Variants in IFT88 observed in about 807,000 individuals in gnomAD.
IFT88 encodes the protein intraflagellar transport protein 88 homolog.
Under a neutral mutation model 119.5 loss-of-function variants are expected in IFT88, and 74 were observed. The observed-to-expected ratio is 0.62, with a 90% CI of 0.51 to 0.75. The LOEUF is 0.75. IFT88 is among the 30% of genes least tolerant of loss of function. The pLI, the probability that IFT88 is intolerant of heterozygous loss-of-function variation, is 0.00. For synonymous variants in IFT88, 279 were observed against 316.7 expected (o/e 0.88, Z 1.26); for missense variants, 961 against 977.7 (o/e 0.98, Z 0.23).
chr13:20,599,472 GA>G lies in IFT88; in HGVS notation c.722del (p.Asn241IlefsTer4). 7.2e-7 allele frequency: 1 copy of G among 1,394,404 alleles called. No individual in the cohort carries two copies. Among genetic ancestry groups the G allele is most frequent in the Non-Finnish European group, 1.0e-6 (1 of 999,118 alleles). 86.4% of individuals were successfully genotyped at this position (1,394,404 alleles called of 1,614,324 possible). On this transcript the variant is annotated frameshift_variant, in exon 11 of 26. Coordinates refer to ENST00000351808, the MANE Select transcript of IFT88 (RefSeq NM_006531.5). LOFTEE classifies it high-confidence loss of function. ...SNAGILKMNMGNIYLKQRNYS... is the reference protein window; with the variant it reads ...SNAGILKMNMXNIYLKQRNYS... The stretch of plus-strand genomic sequence containing the variant: ...TTAGGAATATTGAAAATGAATATGG[GA>G]AATATCTATTTAAAGCAAAGAAATT...
In IFT88 at chr13:20,589,657, G is replaced by GCTC. The variant is rs568912778; in HGVS notation, c.154-152_154-150dup. 4.1e-4 allele frequency among the ~76,000 whole-genome samples: 63 copies of GCTC among 151,920 alleles called. No individual in the cohort carries two copies. In the South Asian group the frequency reaches 0.013, roughly 31 times the overall value. ...CTTCTCACATAATTAAAATACCTGA[G>GCTC]CTCCCTAATATTTAAGATAATTTAA... On this transcript the variant is annotated intron_variant, in intron 3 of 25. Transcript: ENST00000351808.
chr13:20,580,260 A>G (rs771950496), intron 2 of IFT88, among the ~76,000 whole-genome samples: 12 of 152,170 alleles, frequency 7.9e-5, no homozygotes, highest in Admixed American at 3.9e-4. Context: ...ACTCACACCT[A>G]TAATCCCAGC....
chr13:20,608,895 C>A (rs1238024235), intron 13 of IFT88, among the ~76,000 whole-genome samples: 2 of 152,200 alleles, frequency 1.3e-5, no homozygotes. Context: ...CTCTCTCTCT[C>A]CTCTGCCTCC....
rs373836500 is a variant in IFT88 at position 20,633,501 on chromosome 13, G to A, written c.1386+2399G>A. 2.6e-5 allele frequency among the ~76,000 whole-genome samples: 4 copies of A among 152,164 alleles called. No individual in the cohort carries two copies. The East Asian group carries it at 5.8e-4, about 22-fold the overall frequency. On this transcript the variant is annotated intron_variant, in intron 16 of 25. Transcript: ENST00000351808. The stretch of plus-strand genomic sequence containing the variant: ...CAGTAGCACCTCCAGCACCTCTGAC[G>A]GGCAAGTCCATGGCGTGAAGCATGG...
At position 20,568,055 on chromosome 13, in the gene IFT88, G is replaced by C; in HGVS notation, c.-7+799G>C. ...AAGAATCTCATAATGCTTCCAGAAA[G>C]TTTACGAATTTGTGTTGGGCCACAT... is the stretch of plus-strand genomic sequence containing the variant. On this transcript the variant is annotated intron_variant, in intron 1 of 25. Coordinates refer to ENST00000351808, the MANE Select transcript of IFT88 (RefSeq NM_006531.5). 8.5e-6 allele frequency: 6 copies of C among 709,864 alleles called. No individual in the cohort carries two copies. In the South Asian group the frequency reaches 8.9e-5, roughly 11 times the overall value. 44.0% of individuals were successfully genotyped at this position (709,864 alleles called of 1,614,324 possible).
intron 15 of IFT88, among the ~76,000 whole-genome samples, chr13:20,627,549 G>A (rs561447361): frequency 6.6e-6 from 1 of 151,644 alleles, no homozygotes; most frequent in African/African-American, 2.4e-5. Context: ...TAACCAATAT[G>A]GTGAAACCCT....
intron 20 of IFT88, among the ~76,000 whole-genome samples, chr13:20,645,236 C>T (rs1009331590): frequency 7.9e-5 from 12 of 151,952 alleles, no homozygotes; most frequent in South Asian, 4.2e-4. Context: ...ATTACAGTCA[C>T]GCACCACCAT....
Position 20,599,469 on chromosome 13 carries a change from TG to T in IFT88, c.719del (p.Gly240GlufsTer5). 1 of 1,357,706 alleles carries T rather than the reference TG, an allele frequency of 7.4e-7. No individual in the cohort carries two copies. The highest frequency in any genetic ancestry group is 1.0e-6 in the Non-Finnish European group (1 of 967,318). The allele number at this position is 1,357,706 out of a possible 1,614,324, so 84.1% of individuals were successfully genotyped here. A position where few individuals can be genotyped will look rare whatever the true frequency, so the allele number is the denominator to read the frequency against. On this transcript the variant is annotated frameshift_variant, in exon 11 of 26. Coordinates refer to ENST00000351808, the MANE Select transcript of IFT88 (RefSeq NM_006531.5). LOFTEE classifies it high-confidence loss of function. ...FSNAGILKMN[M>X]GNIYLKQRNY... The stretch of plus-strand genomic sequence containing the variant: ...AAATTAGGAATATTGAAAATGAATA[TG>T]GGAAATATCTATTTAAAGCAAAGAA...
chr13:20,585,655 A>G (rs1370557528), intron 3 of IFT88, among the ~76,000 whole-genome samples: 2 of 152,204 alleles, frequency 1.3e-5, no homozygotes, highest in African/African-American at 2.4e-5. Flanking sequence ...TCACATTGAT[A>G]GACTGACCAG....
chr13:20,594,746 A>G (rs1278429644), intron 7 of IFT88, among the ~76,000 whole-genome samples: 1 of 152,222 alleles, frequency 6.6e-6, no homozygotes, highest in Non-Finnish European at 1.5e-5. Context: ...ACTACCATCT[A>G]TTATGCTTAC....
At chr13:20,671,398 G>A (rs2055831491) in intron 24 of IFT88, among the ~76,000 whole-genome samples, 1 of 152,154 alleles carries the variant, frequency 6.6e-6, no homozygotes, top group African/African-American at 2.4e-5. Context: ...CGAGAAGGAG[G>A]ATGGTCCTAT....
At chr13:20,585,217 C>T (rs185871959) in intron 3 of IFT88, among the ~76,000 whole-genome samples, 1 of 152,312 alleles carries the variant, frequency 6.6e-6, no homozygotes, top group Admixed American at 6.5e-5. Flanking sequence ...CACAAGACCA[C>T]TCCCACTTCT....
chr13:20,624,776 C>T (rs565331977), intron 14 of IFT88, among the ~76,000 whole-genome samples: 226 of 152,162 alleles, frequency 1.5e-3, no homozygotes, highest in Non-Finnish European at 2.4e-3. Context: ...CTTGCTCAGG[C>T]TGGAGTGCAG....
At chr13:20,608,142 A>G (rs577744637) in intron 13 of IFT88, 6 of 438,534 alleles carry the variant, frequency 1.4e-5, no homozygotes, top group South Asian at 1.0e-4. Context: ...AGTTTGAACC[A>G]CTATGACTTG....
chr13:20,625,644 A>C (rs939893572), intron 14 of IFT88, 106 bp from the exon 15 acceptor site: 1 of 694,200 alleles, frequency 1.4e-6, no homozygotes, highest in Admixed American at 3.0e-5. Flanking sequence ...TTTACAGAGT[A>C]CTAGGGACCC....
At chr13:20,609,278 A>G (rs1353068026) in intron 13 of IFT88, among the ~76,000 whole-genome samples, 1 of 152,224 alleles carries the variant, frequency 6.6e-6, no homozygotes, top group Non-Finnish European at 1.5e-5. Flanking sequence ...AATGGACACA[A>G]TTGCTGAAAA....
chr13:20,592,792 C>CTTCCATAAGAATTACATAATTATGTGAA (rs1216794863), intron 7 of IFT88, among the ~76,000 whole-genome samples: 102 of 152,158 alleles, frequency 6.7e-4, no homozygotes, highest in Middle Eastern at 3.4e-3. Flanking sequence ...AATTATGTGA[C>CTTCCATAAGAATTACATAATTATGTGAA]TTCCATAAGA....
intron 2 of IFT88, among the ~76,000 whole-genome samples, chr13:20,577,195 A>AT (rs1162523943): frequency 6.6e-6 from 1 of 152,170 alleles, no homozygotes; most frequent in Non-Finnish European, 1.5e-5. Flanking sequence ...AATGCTACTG[A>AT]TTTTTGTAGG....
intron 14 of IFT88, among the ~76,000 whole-genome samples, chr13:20,619,843 A>G (rs2139778439): frequency 6.6e-6 from 1 of 152,162 alleles, no homozygotes; most frequent in South Asian, 2.1e-4. Flanking sequence ...CCCCACCAAC[A>G]GTGCATGAAA....
Sources: allele counts gnomAD v4.1 joint callset (sites outside exome capture counted in the v4.1 genomes callset), GRCh38; gene constraint gnomAD v4.1.1; transcripts MANE v1.5; gene names NCBI Gene and HGNC (gene_info 2026-07-23, HGNC 2026-07-21).